The following TCF4 variants were observed in gnomAD, a reference collection of about 807,000 sequenced individuals.
The protein encoded by TCF4 is SL3-3 enhancer factor 2.
A neutral mutation model predicts 82.1 loss-of-function variants in TCF4; 3 were observed. The observed-to-expected ratio is 0.04, with a 90% CI of 0.02 to 0.09. The LOEUF (loss-of-function observed/expected upper bound fraction) is 0.09. Ranked by LOEUF, TCF4 falls within the 10% of genes least tolerant of loss-of-function variation. The probability of loss-of-function intolerance (pLI) is 1.00; values close to 1 mark genes in which losing one functional copy is unlikely to be tolerated. For missense variants in TCF4, 518 were observed against 852.7 expected, an observed-to-expected ratio of 0.61 and a Z score of 4.89; for synonymous variants, 276 against 309.6, an observed-to-expected ratio of 0.89 and a Z score of 1.14.
intron 6 of TCF4, among the ~76,000 whole-genome samples, chr18:55,357,963 C>T (rs1357218241): frequency 1.3e-5 from 2 of 152,200 alleles, no homozygotes; most frequent in African/African-American, 4.8e-5. Flanking sequence ...TAATCTTCAA[C>T]TCATCCTGAA....
chr18:55,432,060 G>A (rs925074310), intron 5 of TCF4, among the ~76,000 whole-genome samples: 9 of 152,194 alleles, frequency 5.9e-5, no homozygotes, highest in African/African-American at 2.2e-4. Flanking sequence ...CCAGCACTTT[G>A]GGAGGCCAAG....
chr18:55,367,985 A>G (rs778962744), intron 6 of TCF4, among the ~76,000 whole-genome samples: 1 of 152,272 alleles, frequency 6.6e-6, no homozygotes, highest in Non-Finnish European at 1.5e-5. Flanking sequence ...TCTGGTGGGC[A>G]GCACATGAAC....
chr18:55,493,649 A>G (rs2096598571), intron 3 of TCF4, among the ~76,000 whole-genome samples: 1 of 152,206 alleles, frequency 6.6e-6, no homozygotes, highest in South Asian at 2.1e-4. Flanking sequence ...TAATTTATAA[A>G]TTACTTGATG....
chr18:55,589,389 T>C, upstream of TCF4: 1 of 1,055,420 alleles, frequency 9.5e-7, no homozygotes, highest in Non-Finnish European at 1.1e-6. Context: ...GTATCTCACA[T>C]GTGTATCCCC....
intron 15 of TCF4, among the ~76,000 whole-genome samples, chr18:55,236,558 C>G (rs2049490679): frequency 6.6e-6 from 1 of 152,112 alleles, no homozygotes; most frequent in Non-Finnish European, 1.5e-5. Context: ...CCACCTGCTC[C>G]AGCAACCATT....
chr18:55,439,573 C>G (rs747465819), intron 5 of TCF4, among the ~76,000 whole-genome samples: 14 of 152,194 alleles, frequency 9.2e-5, no homozygotes, highest in Admixed American at 2.6e-4. Context: ...CCAGTAAATA[C>G]TGGCCCAATC....
intron 3 of TCF4, among the ~76,000 whole-genome samples, chr18:55,503,380 T>C (rs557809278): frequency 2.0e-5 from 3 of 152,284 alleles, no homozygotes; most frequent in South Asian, 2.1e-4. Context: ...ATCATCATCA[T>C]CACTAGCCAT....
At chr18:55,231,139 T>C (rs567282742) in intron 17 of TCF4, 1 of 152,356 alleles carries the variant, frequency 6.6e-6, no homozygotes, top group African/African-American at 2.4e-5. Context: ...AAATCAGTAA[T>C]GATTAATTCA....
chr18:55,443,746 T>C (rs778206841), intron 5 of TCF4, among the ~76,000 whole-genome samples: 1 of 152,194 alleles, frequency 6.6e-6, no homozygotes, highest in Non-Finnish European at 1.5e-5. Context: ...CAGAAAGAGA[T>C]ACTGAAAGTA....
intron 5 of TCF4, chr18:55,404,432 G>T (rs2093984255): frequency 6.6e-6 from 1 of 152,274 alleles, no homozygotes; most frequent in South Asian, 2.1e-4. Context: ...GGGGCTAAAA[G>T]AGGCAGGCAG....
At chr18:55,538,598 G>C (rs1054707357) in intron 3 of TCF4, among the ~76,000 whole-genome samples, 2 of 152,144 alleles carry the variant, frequency 1.3e-5, no homozygotes, top group African/African-American at 4.8e-5. Context: ...AAAGACAGAG[G>C]TTTCCCAGGA....
intron 10 of TCF4, among the ~76,000 whole-genome samples, chr18:55,271,954 C>T (rs562557486): frequency 5.3e-5 from 8 of 152,062 alleles, no homozygotes; most frequent in Admixed American, 3.9e-4. Flanking sequence ...GAAGAACAGA[C>T]GAACTACAAA....
chr18:55,611,893 C>G (rs1603625410), intron 2 of TCF4, among the ~76,000 whole-genome samples: 1 of 152,128 alleles, frequency 6.6e-6, no homozygotes, highest in East Asian at 1.9e-4. Context: ...CTCAGCCTCC[C>G]AAGTAGCTGG....
chr18:55,375,718 C>T (rs983916463), intron 6 of TCF4, among the ~76,000 whole-genome samples: 5 of 152,066 alleles, frequency 3.3e-5, no homozygotes, highest in Admixed American at 2.0e-4. Context: ...AGACAACTTT[C>T]CTATACCTCA....
chr18:55,235,348 A>G (rs2049059661), intron 15 of TCF4, among the ~76,000 whole-genome samples: 2 of 152,144 alleles, frequency 1.3e-5, no homozygotes, highest in African/African-American at 4.8e-5. Context: ...ACCACACCGG[A>G]AAATGTACCA....
At chr18:55,615,181 C>G (rs2097710669) in intron 2 of TCF4, among the ~76,000 whole-genome samples, 1 of 152,072 alleles carries the variant, frequency 6.6e-6, no homozygotes, top group Non-Finnish European at 1.5e-5. Context: ...GGAGAATTGA[C>G]ATGTTAACAG....
At chr18:55,355,492 C>A (rs927884867) in intron 6 of TCF4, among the ~76,000 whole-genome samples, 1 of 152,014 alleles carries the variant, frequency 6.6e-6, no homozygotes, top group African/African-American at 2.4e-5. Context: ...AGGAGGGGGG[C>A]GATAATTTTG....
chr18:55,227,327 A>T lies in TCF4; in HGVS notation c.*708T>A, dbSNP rs186018055. 3.8e-4 allele frequency: 57 copies of T among 150,626 alleles called. No individual in the cohort carries two copies. The highest frequency in any genetic ancestry group is 5.9e-4 in the Non-Finnish European group (40 of 67,684). 9.3% of individuals were successfully genotyped at this position (150,626 alleles called of 1,614,324 possible). On this transcript the variant is annotated 3_prime_UTR_variant, in exon 20 of 20. Coordinates refer to ENST00000354452, the MANE Select transcript of TCF4 (RefSeq NM_001083962.2). ...CAGTACTATTTTTTTACAGGAGAAAAAAGTCTGAAACAAATGAACAAAAGC... is the reference window on the plus strand; with the variant it reads ...CAGTACTATTTTTTTACAGGAGAAATAAGTCTGAAACAAATGAACAAAAGC...
intron 5 of TCF4, among the ~76,000 whole-genome samples, chr18:55,418,599 CAAT>C (rs1323436550): frequency 6.6e-6 from 1 of 152,092 alleles, no homozygotes; most frequent in Non-Finnish European, 1.5e-5. Flanking sequence ...GATACCATAA[CAAT>C]TATCATTTAT....
Sources: allele counts gnomAD v4.1 joint callset (sites outside exome capture counted in the v4.1 genomes callset), GRCh38; gene constraint gnomAD v4.1.1; transcripts MANE v1.5; gene names NCBI Gene and HGNC (gene_info 2026-07-23, HGNC 2026-07-21).